The following NKAIN2 variants were observed in gnomAD, a reference collection of about 807,000 sequenced individuals.
NKAIN2 encodes sodium/potassium transporting ATPase interacting 2.
A neutral mutation model predicts 32.6 loss-of-function variants in NKAIN2; 14 were observed. The observed-to-expected ratio is 0.43, with a 90% CI of 0.28 to 0.67. NKAIN2 has a LOEUF of 0.67. Ranked by LOEUF, NKAIN2 falls within the 30% of genes least tolerant of loss-of-function variation. The probability of loss-of-function intolerance (pLI) is 0.17; values close to 1 mark genes in which losing one functional copy is unlikely to be tolerated. For missense variants in NKAIN2, 198 were observed against 258.3 expected, an observed-to-expected ratio of 0.77 and a Z score of 1.60; for synonymous variants, 80 against 87.2, an observed-to-expected ratio of 0.92 and a Z score of 0.46.
chr6:124,504,787 T>G (rs1180270010), intron 3 of NKAIN2, among the ~76,000 whole-genome samples: 1 of 152,202 alleles, frequency 6.6e-6, no homozygotes, highest in African/African-American at 2.4e-5. Flanking sequence ...AGCCGGTGGT[T>G]TAAATATTTT....
chr6:123,899,030 G>C (rs756037044), intron 1 of NKAIN2, among the ~76,000 whole-genome samples: 12 of 152,214 alleles, frequency 7.9e-5, no homozygotes, highest in African/African-American at 2.4e-5. Context: ...ACAGAGGTGG[G>C]TCAAATCACT....
At chr6:124,476,178 A>T in intron 3 of NKAIN2, among the ~76,000 whole-genome samples, 1 of 151,536 alleles carries the variant, frequency 6.6e-6, no homozygotes, top group East Asian at 2.0e-4. Flanking sequence ...GCCCTTCCTA[A>T]TTGGCAAAAT....
At chr6:123,886,483 A>G (rs1056222418) in intron 1 of NKAIN2, among the ~76,000 whole-genome samples, 1 of 152,094 alleles carries the variant, frequency 6.6e-6, no homozygotes, top group Non-Finnish European at 1.5e-5. Flanking sequence ...ATAGGAAAAA[A>G]CTTAGAAGGA....
At chr6:123,975,225 T>G (rs1582869279) in intron 1 of NKAIN2, among the ~76,000 whole-genome samples, 1 of 152,220 alleles carries the variant, frequency 6.6e-6, no homozygotes, top group South Asian at 2.1e-4. Flanking sequence ...ATAAACTGGG[T>G]TTGAAAGAAA....
chr6:123,868,842 TATG>T (rs1772720915), intron 1 of NKAIN2, among the ~76,000 whole-genome samples: 2 of 152,324 alleles, frequency 1.3e-5, no homozygotes, highest in South Asian at 2.1e-4. Context: ...TTAATATTGA[TATG>T]ATAATTATAG....
chr6:124,175,696 T>C (rs1437323380), intron 1 of NKAIN2, among the ~76,000 whole-genome samples: 1 of 152,196 alleles, frequency 6.6e-6, no homozygotes, highest in Non-Finnish European at 1.5e-5. Context: ...CTTCCCCTTC[T>C]GTTTACAGGA....
At chr6:124,626,781 G>A (rs1467369687) in intron 3 of NKAIN2, among the ~76,000 whole-genome samples, 2 of 152,100 alleles carry the variant, frequency 1.3e-5, no homozygotes, top group Admixed American at 6.6e-5. Context: ...CCTTCCTGAA[G>A]GGGTAAGTGG....
chr6:124,089,859 A>C (rs1784345424), intron 1 of NKAIN2, among the ~76,000 whole-genome samples: 1 of 151,918 alleles, frequency 6.6e-6, no homozygotes, highest in South Asian at 2.1e-4. Context: ...AAGATTCTGA[A>C]ATATACAGTT....
intron 1 of NKAIN2, among the ~76,000 whole-genome samples, chr6:123,973,978 G>A (rs1778445305): frequency 6.6e-6 from 1 of 152,180 alleles, no homozygotes; most frequent in South Asian, 2.1e-4. Context: ...CTGGAATTTT[G>A]TATATAATGG....
intron 4 of NKAIN2, among the ~76,000 whole-genome samples, chr6:124,700,395 G>GCAA (rs1463882040): frequency 2.6e-5 from 4 of 152,102 alleles, no homozygotes; most frequent in African/African-American, 9.7e-5. Context: ...AGTTACATCA[G>GCAA]CAACTTTTTG....
chr6:123,927,752 A>T (rs1384629184), intron 1 of NKAIN2, among the ~76,000 whole-genome samples: 1 of 152,178 alleles, frequency 6.6e-6, no homozygotes, highest in Non-Finnish European at 1.5e-5. Flanking sequence ...TCACATGGCA[A>T]ACATGTGTCT....
intron 1 of NKAIN2, among the ~76,000 whole-genome samples, chr6:124,276,309 C>A (rs902270636): frequency 4.0e-5 from 6 of 151,776 alleles, no homozygotes; most frequent in African/African-American, 1.5e-4. Context: ...CACACACACA[C>A]ACACACACAC....
At chr6:124,382,206 A>G (rs759566213) in intron 3 of NKAIN2, among the ~76,000 whole-genome samples, 8 of 152,152 alleles carry the variant, frequency 5.3e-5, no homozygotes, top group Non-Finnish European at 1.0e-4. Flanking sequence ...AAGACTACTG[A>G]GTAGAAAGAG....
chr6:124,181,573 T>A (rs1194535314), intron 1 of NKAIN2, among the ~76,000 whole-genome samples: 1 of 152,152 alleles, frequency 6.6e-6, no homozygotes, highest in Non-Finnish European at 1.5e-5. Flanking sequence ...TCTAACAGAA[T>A]GAAAGTCACC....
chr6:124,743,261 T>A (rs148486820), intron 4 of NKAIN2, among the ~76,000 whole-genome samples: 59 of 151,986 alleles, frequency 3.9e-4, no homozygotes, highest in African/African-American at 1.3e-3. Flanking sequence ...TTTTATGAGA[T>A]TCAATAAGCC....
intron 1 of NKAIN2, among the ~76,000 whole-genome samples, chr6:124,140,544 G>T (rs1161003678): frequency 6.6e-6 from 1 of 152,076 alleles, no homozygotes; most frequent in Non-Finnish European, 1.5e-5. Context: ...TCCCTAGAAT[G>T]AGTTAATGCA....
chr6:124,543,373 G>A (rs1311402796), intron 3 of NKAIN2, among the ~76,000 whole-genome samples: 3 of 151,886 alleles, frequency 2.0e-5, no homozygotes, highest in Non-Finnish European at 4.4e-5. Context: ...ACTTAATTTC[G>A]ATACTAATTG....
chr6:124,034,403 A>G (rs954142307), intron 1 of NKAIN2, among the ~76,000 whole-genome samples: 1 of 152,134 alleles, frequency 6.6e-6, no homozygotes, highest in Non-Finnish European at 1.5e-5. Context: ...TAATTCACTT[A>G]GGATAATGAC....
At chr6:124,492,157 A>C (rs1049484578) in intron 3 of NKAIN2, among the ~76,000 whole-genome samples, 3 of 151,838 alleles carry the variant, frequency 2.0e-5, no homozygotes, top group Non-Finnish European at 2.9e-5. Flanking sequence ...TATTTTCTTC[A>C]TCTTCACTAA....
Sources: allele counts gnomAD v4.1 joint callset (sites outside exome capture counted in the v4.1 genomes callset), GRCh38; gene constraint gnomAD v4.1.1; transcripts MANE v1.5; gene names NCBI Gene and HGNC (gene_info 2026-07-23, HGNC 2026-07-21).